The following OPALIN variants were observed in gnomAD, a reference collection of about 807,000 sequenced individuals.
OPALIN encodes oligodendrocytic myelin paranodal and inner loop protein, also known as transmembrane protein 10.
A neutral mutation model predicts 17.8 loss-of-function variants in OPALIN; 15 were observed. That is an observed-to-expected ratio of 0.84 (90% CI 0.56 to 1.29). The LOEUF (loss-of-function observed/expected upper bound fraction) is 1.29, where lower values mean the gene tolerates loss of function less well. OPALIN is among the 50% of genes most tolerant of loss of function. OPALIN has a pLI of 0.00. For missense variants in OPALIN, 170 were observed against 176.0 expected, an observed-to-expected ratio of 0.97 and a Z score of 0.19; for synonymous variants, 62 against 63.8, an observed-to-expected ratio of 0.97 and a Z score of 0.14.
At chr10:96,352,900 G>A (rs945641697) in intron 2 of OPALIN, among the ~76,000 whole-genome samples, 2 of 152,102 alleles carry the variant, frequency 1.3e-5, no homozygotes, top group African/African-American at 4.8e-5. Flanking sequence ...CTCTCCAGAT[G>A]GACTTTTCTG....
intron 1 of OPALIN, 104 bp from the exon 2 acceptor site, chr10:96,355,394 T>A: frequency 4.0e-6 from 4 of 1,000,508 alleles, no homozygotes; most frequent in Non-Finnish European, 4.7e-6. Flanking sequence ...AGGTCATTGA[T>A]CCTATAGACT....
At chr10:96,346,206 C>T in intron 5 of OPALIN, 89 bp from the exon 6 acceptor site, 2 of 1,091,354 alleles carry the variant, frequency 1.8e-6, no homozygotes, top group Non-Finnish European at 1.4e-6. Flanking sequence ...GACCCTCCCA[C>T]CTGAAATAAC....
intron 2 of OPALIN, among the ~76,000 whole-genome samples, chr10:96,352,002 T>C (rs919818229): frequency 1.1e-4 from 16 of 152,308 alleles, no homozygotes; most frequent in African/African-American, 3.8e-4. Flanking sequence ...AGGAATAAAG[T>C]TCTGCATGAG....
chr10:96,350,169 G>A (rs1453694350), intron 3 of OPALIN, among the ~76,000 whole-genome samples: 2 of 152,120 alleles, frequency 1.3e-5, no homozygotes, highest in African/African-American at 4.8e-5. Context: ...ACAATTAGAT[G>A]TCATTTTCAC....
intron 4 of OPALIN, among the ~76,000 whole-genome samples, chr10:96,348,677 G>GT (rs916975021): frequency 1.3e-5 from 2 of 152,160 alleles, no homozygotes; most frequent in Non-Finnish European, 2.9e-5. Flanking sequence ...AATTGTTTTT[G>GT]TTTTTTCAAG....
chr10:96,345,638 A>G lies in OPALIN; in HGVS notation c.*303T>C. The G allele has an allele frequency of 3.3e-6, 1 of 298,666 alleles. No individual in the cohort carries two copies. The highest frequency in any genetic ancestry group is 6.1e-6 in the Non-Finnish European group (1 of 163,050). 18.5% of individuals were successfully genotyped at this position (298,666 alleles called of 1,614,324 possible). A position where few individuals can be genotyped will look rare whatever the true frequency, so the allele number is the denominator to read the frequency against. Reference sequence around the variant, plus strand: ...AAAAAGATGAGAAGGCAAGACACTCAGAAACCAAGCCCCTTTCCCAAAATG... The same window carrying G: ...AAAAAGATGAGAAGGCAAGACACTCGGAAACCAAGCCCCTTTCCCAAAATG... On this transcript the variant is annotated 3_prime_UTR_variant, in exon 6 of 6. Coordinates refer to ENST00000371172, the MANE Select transcript of OPALIN (RefSeq NM_033207.5).
At chr10:96,353,449 T>C in intron 2 of OPALIN, 1 of 1,612,488 alleles carries the variant, frequency 6.2e-7, no homozygotes, top group Non-Finnish European at 8.5e-7. Flanking sequence ...TGACCTACCA[T>C]CCGCATTGTC....
At position 96,345,898 on chromosome 10, in the gene OPALIN, C is replaced by T; in HGVS notation, c.*43G>A. On this transcript the variant is annotated 3_prime_UTR_variant, in exon 6 of 6. Coordinates refer to ENST00000371172, the MANE Select transcript of OPALIN (RefSeq NM_033207.5). ...CAAGTACAAAACCCTGGGTTTTCAA[C>T]CCTGTTCCAGTGCCAGGTCTGCTGC... 1.3e-6 allele frequency: 2 copies of T among 1,598,872 alleles called. No homozygotes were observed. Among genetic ancestry groups the T allele is most frequent in the Middle Eastern group, 3.3e-4 (2 of 5,986 alleles).
chr10:96,348,484 C>G (rs1374333770), intron 4 of OPALIN, 139 bp from the exon 5 acceptor site: 1 of 505,804 alleles, frequency 2.0e-6, no homozygotes, highest in Non-Finnish European at 3.5e-6. Flanking sequence ...AGCACAGAGG[C>G]ATCTAATAAC....
At chr10:96,354,411 A>C (rs1490298721) in intron 2 of OPALIN, among the ~76,000 whole-genome samples, 1 of 152,256 alleles carries the variant, frequency 6.6e-6, no homozygotes, top group African/African-American at 2.4e-5. Flanking sequence ...AGGATTCTCT[A>C]AAATGCCATG....
intron 1 of OPALIN, among the ~76,000 whole-genome samples, chr10:96,355,602 T>C (rs1360973632): frequency 2.0e-5 from 3 of 152,314 alleles, no homozygotes; most frequent in African/African-American, 4.8e-5. Context: ...AGCAAACACA[T>C]GACTAGAAAT....
At chr10:96,346,618 G>A (rs1564881152) in intron 5 of OPALIN, among the ~76,000 whole-genome samples, 2 of 151,954 alleles carry the variant, frequency 1.3e-5, no homozygotes, top group East Asian at 1.9e-4. Context: ...TGTTTGTTGT[G>A]TCTTTTTAAC....
chr10:96,355,200 A>G, intron 2 of OPALIN, 55 bp downstream of exon 2: 1 of 1,550,488 alleles, frequency 6.4e-7, no homozygotes. Context: ...ACCTACTGTA[A>G]ATTCTGCACT....
intron 1 of OPALIN, among the ~76,000 whole-genome samples, chr10:96,356,714 G>T (rs1845836132): frequency 6.6e-6 from 1 of 152,204 alleles, no homozygotes; most frequent in East Asian, 1.9e-4. Flanking sequence ...GAATGTGTAA[G>T]TCCCCCTAGC....
rs370828926 is a variant in OPALIN, at chr10:96,358,938, G to T, written c.-42C>A. The T allele has an allele frequency of 1.4e-5, 22 of 1,611,136 alleles. No individual in the cohort carries two copies. In the African/African-American group the frequency reaches 2.8e-4, roughly 21 times the overall value. On this transcript the variant is annotated 5_prime_UTR_variant, in exon 1 of 6. Coordinates refer to ENST00000371172, the MANE Select transcript of OPALIN (RefSeq NM_033207.5). Reference sequence around the variant, plus strand: ...GGAACCTTCTTCGTACACTGCCTTTGGTAAGCTCCTTTCTCACTGGCTTTA... The same window carrying T: ...GGAACCTTCTTCGTACACTGCCTTTTGTAAGCTCCTTTCTCACTGGCTTTA...
Position 96,346,086 on chromosome 10 carries a change from T to G in OPALIN, c.281A>C (p.Asn94Thr), listed in dbSNP as rs1845309987. The change falls in exon 6 of 6, where the codon AAT (asparagine) becomes ACT (threonine). Residue 94 changes from asparagine to threonine, a missense_variant. Asn to Thr is a moderately conservative substitution (Grantham distance 65). Coordinates refer to ENST00000371172, the MANE Select transcript of OPALIN (RefSeq NM_033207.5). Reference sequence around the variant, plus strand: ...GTGGGCCTCTTGTGCTCCCATCGTATTCTTCTCATGTGTGGGTGATCTCCT... The same window carrying G: ...GTGGGCCTCTTGTGCTCCCATCGTAGTCTTCTCATGTGTGGGTGATCTCCT... ...NPRRSPTHEK[N>T]TMGAQEAHIY... is the part of the protein sequence containing the mutation. 6.2e-7 allele frequency: 1 copy of G among 1,614,022 alleles called. No homozygotes were observed. The highest frequency in any genetic ancestry group is 1.1e-5 in the South Asian group (1 of 91,074).
At chr10:96,346,773 A>C (rs1001019048) in intron 5 of OPALIN, among the ~76,000 whole-genome samples, 1 of 152,196 alleles carries the variant, frequency 6.6e-6, no homozygotes, top group Non-Finnish European at 1.5e-5. Flanking sequence ...CTTTCTATCC[A>C]GGAGCATAGT....
In OPALIN at chr10:96,345,716, T is replaced by C. The variant is rs1212513285; in HGVS notation, c.*225A>G. The C allele has an allele frequency of 1.6e-5, 7 of 428,452 alleles. No homozygotes were observed. Among genetic ancestry groups the C allele is most frequent in the African/African-American group, 1.4e-4 (7 of 49,582 alleles). The allele number at this position is 428,452 out of a possible 1,614,324, so 26.5% of individuals were successfully genotyped here. A position where few individuals can be genotyped will look rare whatever the true frequency, so the allele number is the denominator to read the frequency against. On this transcript the variant is annotated 3_prime_UTR_variant, in exon 6 of 6. Coordinates refer to ENST00000371172, the MANE Select transcript of OPALIN (RefSeq NM_033207.5). ...GCAGGAATAGGATCTAAGGACCCCA[T>C]CTGGTGAGTCACATGTACTAACTAA...
At chr10:96,355,590 G>A (rs1223190653) in intron 1 of OPALIN, among the ~76,000 whole-genome samples, 2 of 152,184 alleles carry the variant, frequency 1.3e-5, no homozygotes, top group Non-Finnish European at 2.9e-5. Flanking sequence ...ATTCACAAGG[G>A]CAGCAAACAC....
Sources: gnomAD v4.1 joint callset for allele counts (sites outside exome capture counted in the v4.1 genomes callset) on GRCh38, gnomAD v4.1.1 for gene constraint, MANE v1.5 for transcripts, NCBI Gene and HGNC (gene_info 2026-07-23, HGNC 2026-07-21) for gene names.